The following AHDC1 variants were observed in gnomAD, a reference collection of about 807,000 sequenced individuals.
The protein encoded by AHDC1 is AT-hook DNA binding motif containing 1.
AHDC1 carries 7 observed loss-of-function variants against 87.9 expected under a neutral mutation model. That is an observed-to-expected ratio of 0.08 (90% CI 0.05 to 0.15). AHDC1 has a LOEUF of 0.15. AHDC1 is among the 10% of genes least tolerant of loss of function. The pLI, the probability that AHDC1 is intolerant of heterozygous loss-of-function variation, is 1.00. For missense variants in AHDC1, 1,841 were observed against 2,253.2 expected (o/e 0.82, Z 3.70); for synonymous variants, 1,051 against 1,006.8 (o/e 1.04, Z -0.83).
At chr1:27,599,655 C>T (rs1299994696) in intron 3 of AHDC1, among the ~76,000 whole-genome samples, 1 of 152,184 alleles carries the variant, frequency 6.6e-6, no homozygotes, top group Non-Finnish European at 1.5e-5. Flanking sequence ...ATGCTCCTGG[C>T]ACCTCTGGGA....
In AHDC1 at chr1:27,547,355, C is replaced by A. The variant is rs895223934; in HGVS notation, c.4761G>T (p.Gly1587=). Reference sequence around the variant, plus strand: ...CCTCGGGGTGAGGTTCCGCCATGGGCCCCAGGAAGCCGCTCTTGGGGCCCC... The same window carrying A: ...CCTCGGGGTGAGGTTCCGCCATGGGACCCAGGAAGCCGCTCTTGGGGCCCC... ...LGGGPKSGFL[G]PMAEPHPEDT... is the part of the protein sequence containing the mutation. The change falls in exon 8 of 9, where the codon GGG becomes GGT. Residue 1587 remains glycine, a synonymous_variant. Transcript: ENST00000673934. This position sits in a 1 kb window ranked among gnomAD's most constrained non-coding sequence, Gnocchi z 4.9. 7 of 1,554,574 alleles carry A rather than the reference C, an allele frequency of 4.5e-6. No individual in the cohort carries two copies. The highest frequency in any genetic ancestry group is 4.5e-5 in the East Asian group (2 of 44,406).
In AHDC1 at chr1:27,593,202, G is replaced by C. The variant is rs1187443989; in HGVS notation, c.-629+10195C>G. 1.3e-5 allele frequency among the ~76,000 whole-genome samples: 2 copies of C among 152,040 alleles called. No homozygotes were observed. Among genetic ancestry groups the C allele is most frequent in the African/African-American group, 2.4e-5 (1 of 41,386 alleles). On this transcript the variant is annotated intron_variant, in intron 3 of 8. Coordinates refer to ENST00000673934, the MANE Select transcript of AHDC1 (RefSeq NM_001371928.1). The surrounding 1 kb of genome is among the most constrained non-coding windows in gnomAD (Gnocchi z 4.9). ...TGGGGCAGGGGCTGAGGTGGGGAAG[G>C]GGGAGCAGCTCCGTCCCTCCCCTCC...
At chr1:27,582,408 T>C (rs986580939) in intron 3 of AHDC1, among the ~76,000 whole-genome samples, 4 of 152,374 alleles carry the variant, frequency 2.6e-5, no homozygotes, top group South Asian at 2.1e-4. Context: ...AAACCTGCTA[T>C]ACAAATAAGA....
At chr1:27,567,136 A>C (rs1171005632) in intron 3 of AHDC1, among the ~76,000 whole-genome samples, 1 of 151,306 alleles carries the variant, frequency 6.6e-6, no homozygotes, top group Non-Finnish European at 1.5e-5. Flanking sequence ...GGCCCTGGGG[A>C]CCCTCCTCCT....
intron 3 of AHDC1, among the ~76,000 whole-genome samples, chr1:27,592,291 C>T (rs1362338530): frequency 6.6e-6 from 1 of 152,164 alleles, no homozygotes; most frequent in East Asian, 1.9e-4. Context: ...CCCGTCACCA[C>T]CCAGCTTGTC....
chr1:27,579,499 G>T (rs2088849611), intron 3 of AHDC1, among the ~76,000 whole-genome samples: 1 of 152,116 alleles, frequency 6.6e-6, no homozygotes. Flanking sequence ...CCAATATCTA[G>T]ATCCCAGCAA....
At chr1:27,600,480 A>T (rs1411295318) in intron 3 of AHDC1, among the ~76,000 whole-genome samples, 1 of 152,048 alleles carries the variant, frequency 6.6e-6, no homozygotes, top group East Asian at 1.9e-4. Context: ...AAAAACAAAA[A>T]AAATTGAAAT....
At position 27,558,114 on chromosome 1, in the gene AHDC1, T is replaced by G. The variant is rs796919343; in HGVS notation, c.-225+191A>C. Reference sequence around the variant, plus strand: ...TAGGGAGCTTCCTGGAGCCGCAGGCTTCATGTGTCAGTTCAGGGAGTTGCC... The same window carrying G: ...TAGGGAGCTTCCTGGAGCCGCAGGCGTCATGTGTCAGTTCAGGGAGTTGCC... On this transcript the variant is annotated intron_variant, in intron 5 of 8. Coordinates refer to ENST00000673934, the MANE Select transcript of AHDC1 (RefSeq NM_001371928.1). This position sits in a 1 kb window ranked among gnomAD's most constrained non-coding sequence, Gnocchi z 5.6. Among the ~76,000 whole-genome samples, 1 of 152,208 alleles carries G rather than the reference T, an allele frequency of 6.6e-6. No individual in the cohort carries two copies. Among genetic ancestry groups the G allele is most frequent in the Non-Finnish European group, 1.5e-5 (1 of 68,024 alleles).
intron 3 of AHDC1, among the ~76,000 whole-genome samples, chr1:27,582,111 C>T (rs1437448135): frequency 6.6e-6 from 1 of 152,244 alleles, no homozygotes; most frequent in East Asian, 1.9e-4. Context: ...TGCTCTCCAG[C>T]GCAGCTCCAT....
intron 3 of AHDC1, among the ~76,000 whole-genome samples, chr1:27,580,782 T>C (rs2088882999): frequency 6.6e-6 from 1 of 152,248 alleles, no homozygotes; most frequent in South Asian, 2.1e-4. Context: ...CTAGCTTAGT[T>C]CCATAGATGG....
At chr1:27,582,677 T>C (rs1246685817) in intron 3 of AHDC1, among the ~76,000 whole-genome samples, 1 of 152,206 alleles carries the variant, frequency 6.6e-6, no homozygotes, top group African/African-American at 2.4e-5. Context: ...CACTTGATGG[T>C]TAAGGAATGA....
In AHDC1 at chr1:27,550,801, C is replaced by G. The variant is rs773304560; in HGVS notation, c.1315G>C (p.Ala439Pro). 2 of 1,566,462 alleles carry G rather than the reference C, an allele frequency of 1.3e-6. No individual in the cohort carries two copies. Among genetic ancestry groups the G allele is most frequent in the South Asian group, 1.2e-5 (1 of 86,432 alleles). ...GAGACCGGGCCTGGGCCTGGCAGGG[C>G]AGGGGGTGGAGGAGGCGGTGGTGGT... ...PPPPPPPPPPALPGPGPVSVP... is the reference protein window; with the variant it reads ...PPPPPPPPPPPLPGPGPVSVP... The change falls in exon 8 of 9, where the codon GCC (alanine) becomes CCC (proline). Residue 439 changes from alanine to proline, a missense_variant. By Grantham distance (27) the Ala-to-Pro change is conservative. Coordinates refer to ENST00000673934, the MANE Select transcript of AHDC1 (RefSeq NM_001371928.1).
chr1:27,575,486 GAGGCGCCCCCTAGGGTCGGGCGCC>G (rs1413767702), intron 3 of AHDC1, among the ~76,000 whole-genome samples: 22 of 152,166 alleles, frequency 1.4e-4, no homozygotes, highest in East Asian at 1.4e-3. Flanking sequence ...CCTCGCCGCG[GAGGCGCCCCCTAGGGTCGGGCGCC>G]AGGCGCCCCT....
intron 8 of AHDC1, among the ~76,000 whole-genome samples, chr1:27,541,834 T>C (rs905603384): frequency 3.3e-5 from 5 of 152,242 alleles, no homozygotes; most frequent in African/African-American, 4.8e-5. Flanking sequence ...TTCACCACGT[T>C]AGCCAGGCTG....
At chr1:27,597,643 A>G (rs1376451761) in intron 3 of AHDC1, among the ~76,000 whole-genome samples, 2 of 151,496 alleles carry the variant, frequency 1.3e-5, no homozygotes, top group African/African-American at 4.9e-5. Context: ...CTGGAAACTG[A>G]GCCGGGGGTG....
At chr1:27,584,895 A>C (rs1274892208) in intron 3 of AHDC1, among the ~76,000 whole-genome samples, 7 of 152,108 alleles carry the variant, frequency 4.6e-5, no homozygotes, top group Admixed American at 4.6e-4. Context: ...AGGACAGGAC[A>C]GGCGTGGTGG....
chr1:27,575,593 C>T (rs1279981326), intron 3 of AHDC1, among the ~76,000 whole-genome samples: 1 of 151,722 alleles, frequency 6.6e-6, no homozygotes, highest in African/African-American at 2.4e-5. Flanking sequence ...CAGAAGCTCT[C>T]CATCATCCCC....
intron 8 of AHDC1, among the ~76,000 whole-genome samples, chr1:27,539,452 T>G (rs12748139): frequency 0.19 from 29,073 of 150,778 alleles, 2,979 homozygotes; most frequent in African/African-American, 0.27. Context: ...AGAATTTTTT[T>G]TTTGTTTGTT....
intron 3 of AHDC1, among the ~76,000 whole-genome samples, chr1:27,566,301 G>A (rs1309391833): frequency 6.6e-6 from 1 of 151,994 alleles, no homozygotes; most frequent in Non-Finnish European, 1.5e-5. Flanking sequence ...GGAGGGAGGG[G>A]GCGAGAGCCA....
Sources: gnomAD v4.1 joint callset for allele counts (sites outside exome capture counted in the v4.1 genomes callset) on GRCh38, gnomAD v4.1.1 for gene constraint, Gnocchi (gnomAD v3.1) non-coding constraint, MANE v1.5 for transcripts, NCBI Gene and HGNC (gene_info 2026-07-23, HGNC 2026-07-21) for gene names.